Variants in TACC1 observed in about 807,000 individuals in gnomAD.
The protein encoded by TACC1 is transforming acidic coiled-coil-containing protein 1.
TACC1 carries 48 observed loss-of-function variants against 84.4 expected under a neutral mutation model. The ratio of observed to expected loss-of-function variants is 0.57; its 90% CI spans 0.45 to 0.72. TACC1 has a LOEUF of 0.72. TACC1 is among the 30% of genes least tolerant of loss of function. The pLI, the probability that TACC1 is intolerant of heterozygous loss-of-function variation, is 0.00. For synonymous variants in TACC1, 372 were observed against 376.3 expected, an observed-to-expected ratio of 0.99 and a Z score of 0.13; for missense variants, 920 against 973.0, an observed-to-expected ratio of 0.95 and a Z score of 0.72.
At chr8:38,752,887 C>A (rs957622368) in intron 3 of TACC1, among the ~76,000 whole-genome samples, 1 of 152,012 alleles carries the variant, frequency 6.6e-6, no homozygotes, top group Non-Finnish European at 1.5e-5. Context: ...ATTCTGAGCC[C>A]CAGAATTGGC....
chr8:38,769,886 G>T lies in TACC1; in HGVS notation c.27-18818G>T, dbSNP rs192894872. ...GACTATGTGGTGTGTGTGTGAGACT[G>T]GGTATGGGTGAGGGTGTGTGGTGTG... On this transcript the variant is annotated intron_variant, in intron 3 of 14. Transcript: ENST00000518415. Among the ~76,000 whole-genome samples, 44 of 150,724 alleles carry T rather than the reference G, an allele frequency of 2.9e-4. No homozygotes were observed. The Middle Eastern group carries it at 0.014, about 48-fold the overall frequency.
At chr8:38,732,812 A>G (rs1805221137) in intron 1 of TACC1, among the ~76,000 whole-genome samples, 1 of 152,212 alleles carries the variant, frequency 6.6e-6, no homozygotes, top group South Asian at 2.1e-4. Context: ...AGGGCTATCT[A>G]ATTTGGGTAT....
rs1812629484 is a variant in TACC1, at chr8:38,768,117, A to AAGGAAGGT, written c.27-20584_27-20583insAAGGTAGG. On this transcript the variant is annotated intron_variant, in intron 3 of 14. Coordinates refer to the TACC1 transcript ENST00000518415. ...GAAGGAAGGAAGGAAGGAAGGAAGG[A>AAGGAAGGT]AGGTAGGGGAAGGGAAGGGAGGGAG... 3.1e-5 allele frequency among the ~76,000 whole-genome samples: 4 copies of AAGGAAGGT among 129,614 alleles called. No individual in the cohort carries two copies. In the South Asian group the frequency reaches 8.0e-4, roughly 26 times the overall value. The allele number at this position is 129,614 out of a possible 152,430, so 85.0% of individuals were successfully genotyped here.
At chr8:38,764,864 C>G (rs1811922027) in intron 3 of TACC1, among the ~76,000 whole-genome samples, 1 of 152,122 alleles carries the variant, frequency 6.6e-6, no homozygotes, top group African/African-American at 2.4e-5. Context: ...TTTGGGAGGC[C>G]AAGGCGGGTG....
At chr8:38,806,411 A>AG (rs1273451365) in intron 2 of TACC1, among the ~76,000 whole-genome samples, 10 of 151,476 alleles carry the variant, frequency 6.6e-5, no homozygotes, top group South Asian at 2.1e-4. Context: ...GAATTAATTG[A>AG]GGGGGGGCTC....
rs1833299372 is a variant in TACC1 at position 38,852,980 on chromosome 8, T to C, written c.*4957T>C. 1 of 152,698 alleles carries C rather than the reference T, an allele frequency of 6.5e-6. No homozygotes were observed. Among genetic ancestry groups the C allele is most frequent in the African/African-American group, 2.4e-5 (1 of 41,472 alleles). The allele number at this position is 152,698 out of a possible 1,614,324, so 9.5% of individuals were successfully genotyped here. On this transcript the variant is annotated 3_prime_UTR_variant, in exon 13 of 13. Coordinates refer to ENST00000317827, the MANE Select transcript of TACC1 (RefSeq NM_006283.3). Reference sequence around the variant, plus strand: ...CAAATTATTATAATGATTACTAATATATTTTTTCCATGTTTCATTGCCTGA... The same window carrying C: ...CAAATTATTATAATGATTACTAATACATTTTTTCCATGTTTCATTGCCTGA...
chr8:38,767,364 C>T (rs1037245083), intron 3 of TACC1, among the ~76,000 whole-genome samples: 2 of 152,140 alleles, frequency 1.3e-5, no homozygotes, highest in African/African-American at 4.8e-5. Context: ...ATAAGTGCCC[C>T]GTGGGCCATA....
intron 3 of TACC1, among the ~76,000 whole-genome samples, chr8:38,747,440 G>A (rs778749091): frequency 6.6e-6 from 1 of 152,160 alleles, no homozygotes; most frequent in African/African-American, 2.4e-5. Flanking sequence ...ATTGCCAAAA[G>A]CTGGAAGCAA....
intron 3 of TACC1, among the ~76,000 whole-genome samples, chr8:38,821,604 C>G (rs1563796575): frequency 6.6e-6 from 1 of 152,202 alleles, no homozygotes; most frequent in Non-Finnish European, 1.5e-5. Context: ...TTTAGTCAAT[C>G]CCCCATCTCT....
intron 3 of TACC1, among the ~76,000 whole-genome samples, chr8:38,748,194 A>G (rs1175285894): frequency 1.3e-5 from 2 of 151,968 alleles, no homozygotes; most frequent in Non-Finnish European, 2.9e-5. Flanking sequence ...ATAGATTTCT[A>G]AAAAAAAGTA....
In TACC1 at chr8:38,852,480, G is replaced by A. The variant is rs1308543212; in HGVS notation, c.*4457G>A. 1 of 152,512 alleles carries A rather than the reference G, an allele frequency of 6.6e-6. No homozygotes were observed. The highest frequency in any genetic ancestry group is 2.4e-5 in the African/African-American group (1 of 41,386). 9.4% of individuals were successfully genotyped at this position (152,512 alleles called of 1,614,324 possible). ...TGGTATCTGACATATACTCAAAACA[G>A]TAATTTCCTGGTCACATCATTAACT... On this transcript the variant is annotated 3_prime_UTR_variant, in exon 13 of 13. Coordinates refer to ENST00000317827, the MANE Select transcript of TACC1 (RefSeq NM_006283.3).
chr8:38,765,473 C>T (rs1216610254), intron 3 of TACC1, among the ~76,000 whole-genome samples: 2 of 152,088 alleles, frequency 1.3e-5, no homozygotes, highest in Non-Finnish European at 2.9e-5. Flanking sequence ...TTTTCTGATT[C>T]TAAAGAAGGA....
intron 1 of TACC1, 35 bp downstream of exon 1, chr8:38,787,778 C>T: frequency 6.8e-7 from 1 of 1,476,478 alleles, no homozygotes; most frequent in East Asian, 2.7e-5. Flanking sequence ...GATGCAGACG[C>T]GCTTGCCTCC....
At chr8:38,840,089 A>T in intron 8 of TACC1, 135 bp from the exon 9 acceptor site, 1 of 363,546 alleles carries the variant, frequency 2.8e-6, no homozygotes, top group Non-Finnish European at 5.1e-6. Context: ...AGATAACGAG[A>T]GCCCCAAAGC....
At chr8:38,833,141 T>C (rs1372923618) in intron 6 of TACC1, among the ~76,000 whole-genome samples, 1 of 152,280 alleles carries the variant, frequency 6.6e-6, no homozygotes, top group Non-Finnish European at 1.5e-5. Flanking sequence ...TATAACAAGC[T>C]TGTCCAACTT....
intron 12 of TACC1, 54 bp downstream of exon 12, chr8:38,846,873 C>G (rs1276727952): frequency 6.2e-7 from 1 of 1,601,370 alleles, no homozygotes; most frequent in African/African-American, 1.3e-5. Flanking sequence ...TTTTCCTCCT[C>G]AGCAGTGACT....
At chr8:38,823,887 G>T (rs1827438235) in intron 3 of TACC1, 1 of 819,228 alleles carries the variant, frequency 1.2e-6, no homozygotes, top group Admixed American at 2.0e-5. Context: ...GAATTGTGCA[G>T]CTTTTACATC....
chr8:38,788,855 T>C, intron 2 of TACC1, 36 bp downstream of exon 2: 2 of 1,510,398 alleles, frequency 1.3e-6, no homozygotes, highest in South Asian at 2.4e-5. Context: ...GCCTGTTTTG[T>C]TTCAAAAGTT....
intron 1 of TACC1, among the ~76,000 whole-genome samples, chr8:38,741,408 C>T (rs1030115697): frequency 6.6e-6 from 1 of 152,178 alleles, no homozygotes; most frequent in African/African-American, 2.4e-5. Flanking sequence ...ATATGCCTGC[C>T]TCTGCCTCAC....
Sources: allele counts gnomAD v4.1 joint callset (sites outside exome capture counted in the v4.1 genomes callset), GRCh38; gene constraint gnomAD v4.1.1; transcripts MANE v1.5; gene names NCBI Gene and HGNC (gene_info 2026-07-23, HGNC 2026-07-21).